The following HSF2 variants were observed in gnomAD, a reference collection of about 807,000 sequenced individuals.
HSF2 encodes the protein heat shock factor protein 2.
Under a neutral mutation model 65.0 loss-of-function variants are expected in HSF2, and 21 were observed. That is an observed-to-expected ratio of 0.32 (90% CI 0.23 to 0.47). The LOEUF (loss-of-function observed/expected upper bound fraction) is 0.47. HSF2 is among the 20% of genes least tolerant of loss of function. The pLI, the probability that HSF2 is intolerant of heterozygous loss-of-function variation, is 1.00. For synonymous variants in HSF2, 225 were observed against 219.1 expected (o/e 1.03, Z -0.24); for missense variants, 499 against 628.1 (o/e 0.79, Z 2.20).
chr6:122,403,957 C>G (rs1201084825), intron 1 of HSF2, among the ~76,000 whole-genome samples: 1 of 152,182 alleles, frequency 6.6e-6, no homozygotes, highest in African/African-American at 2.4e-5. Context: ...TGAAATGTTA[C>G]AACCAACGTA....
chr6:122,428,695 A>G (rs1774391145), intron 11 of HSF2, among the ~76,000 whole-genome samples: 1 of 152,014 alleles, frequency 6.6e-6, no homozygotes, highest in Non-Finnish European at 1.5e-5. Flanking sequence ...TGAAGCCAGA[A>G]TTTTATTTTG....
chr6:122,405,865 TACTCTAAAAA>T (rs1773857967), intron 1 of HSF2, among the ~76,000 whole-genome samples: 1 of 152,176 alleles, frequency 6.6e-6, no homozygotes, highest in African/African-American at 2.4e-5. Context: ...TGTTCTGGAG[TACTCTAAAAA>T]ACTGTTTATG....
Position 122,399,668 on chromosome 6 carries a change from T to TGCGGTAGCTGCC in HSF2, c.-68_-67insGGTAGCTGCCGC, listed in dbSNP as rs1554207206. ...GTTGTGGGCGTTCTCGGGGAGCTGCTGCCGTAGCTGCCGCCGCCGCTACCA... is the reference window on the plus strand; with the variant it reads ...GTTGTGGGCGTTCTCGGGGAGCTGCTGCGGTAGCTGCCGCCGTAGCTGCCGCCGCCGCTACCA... On this transcript the variant is annotated 5_prime_UTR_variant, in exon 1 of 13. Transcript: ENST00000368455. 6.5e-6 allele frequency: 8 copies of TGCGGTAGCTGCC among 1,238,826 alleles called. No homozygotes were observed. The highest frequency in any genetic ancestry group is 1.2e-5 in the South Asian group (1 of 81,212). 76.7% of individuals were successfully genotyped at this position (1,238,826 alleles called of 1,614,324 possible).
intron 5 of HSF2, among the ~76,000 whole-genome samples, chr6:122,416,929 CAT>C (rs1774140746): frequency 1.3e-5 from 2 of 152,092 alleles, no homozygotes; most frequent in South Asian, 4.1e-4. Flanking sequence ...AGAGATGAAA[CAT>C]AGTAATTAAG....
In HSF2 at chr6:122,431,416, T is replaced by TA. The variant is rs57738769; in HGVS notation, c.1231-14_1231-13insA. Reference sequence around the variant, plus strand: ...TATGAAACAAGTACTTATATATATATTTTTTTCTTTTAGTCTGAGAATAAA... The same window carrying TA: ...TATGAAACAAGTACTTATATATATATATTTTTTCTTTTAGTCTGAGAATAAA... On this transcript the variant is annotated splice_polypyrimidine_tract_variant and intron_variant, in intron 11 of 12. Transcript: ENST00000368455. 1.5e-4 allele frequency: 206 copies of TA among 1,350,572 alleles called. 1 individual carries two copies. The highest frequency in any genetic ancestry group is 3.0e-4 in the Admixed American group (13 of 43,708). The allele number at this position is 1,350,572 out of a possible 1,614,324, so 83.7% of individuals were successfully genotyped here. A position where few individuals can be genotyped will look rare whatever the true frequency, so the allele number is the denominator to read the frequency against.
intron 1 of HSF2, among the ~76,000 whole-genome samples, chr6:122,404,895 T>G (rs1263410109): frequency 6.6e-6 from 1 of 152,066 alleles, no homozygotes; most frequent in Non-Finnish European, 1.5e-5. Context: ...TGAGAGAGAG[T>G]GAGCACAGGT....
At chr6:122,412,907 C>A in intron 3 of HSF2, 143 bp downstream of exon 3, 1 of 785,346 alleles carries the variant, frequency 1.3e-6, no homozygotes, top group Non-Finnish European at 1.9e-6. Flanking sequence ...TTACTTGTTT[C>A]CCTGTATTTT....
At chr6:122,422,099 G>T in intron 7 of HSF2, 51 bp from the exon 8 acceptor site, 1 of 1,259,944 alleles carries the variant, frequency 7.9e-7, no homozygotes, top group Non-Finnish European at 1.1e-6. Flanking sequence ...TATCTTGTTT[G>T]GTAGTCAATG....
At chr6:122,411,123 T>G (rs1371123675) in intron 1 of HSF2, among the ~76,000 whole-genome samples, 2 of 151,768 alleles carry the variant, frequency 1.3e-5, no homozygotes, top group East Asian at 1.9e-4. Flanking sequence ...AACACTTGTT[T>G]TATGCGTTTT....
intron 4 of HSF2, among the ~76,000 whole-genome samples, chr6:122,414,138 T>TG (rs1774067111): frequency 6.6e-6 from 1 of 152,204 alleles, no homozygotes; most frequent in African/African-American, 2.4e-5. Context: ...GCTTGATACT[T>TG]ATTTCGTATA....
chr6:122,431,355 T>G (rs1197098617), intron 11 of HSF2, 75 bp from the exon 12 acceptor site: 1 of 602,764 alleles, frequency 1.7e-6, no homozygotes, highest in Non-Finnish European at 2.7e-6. Flanking sequence ...TATTTACATA[T>G]TGTATCAATT....
chr6:122,427,375 T>C (rs1368360529), intron 10 of HSF2, among the ~76,000 whole-genome samples: 1 of 152,030 alleles, frequency 6.6e-6, no homozygotes, highest in Non-Finnish European at 1.5e-5. Context: ...TCTTAGCACT[T>C]AAAATTTTCC....
intron 7 of HSF2, among the ~76,000 whole-genome samples, chr6:122,421,658 C>T (rs1774237479): frequency 1.3e-5 from 2 of 151,810 alleles, no homozygotes; most frequent in South Asian, 4.1e-4. Flanking sequence ...GCTAAAAAGC[C>T]AAGCTAACAT....
chr6:122,431,702 ATTTAAC>A (rs955186163), intron 12 of HSF2, among the ~76,000 whole-genome samples, 188 bp downstream of exon 12: 1 of 147,914 alleles, frequency 6.8e-6, no homozygotes, highest in African/African-American at 2.5e-5. Context: ...TTTTTATCCT[ATTTAAC>A]TTTAGGAAAC....
chr6:122,418,441 G>A (rs1562202811), intron 5 of HSF2, among the ~76,000 whole-genome samples: 1 of 152,070 alleles, frequency 6.6e-6, no homozygotes, highest in African/African-American at 2.4e-5. Flanking sequence ...GGTATTATGG[G>A]CCACACTTTA....
intron 10 of HSF2, among the ~76,000 whole-genome samples, chr6:122,427,287 G>A (rs1286702635): frequency 6.6e-6 from 1 of 152,028 alleles, no homozygotes; most frequent in Non-Finnish European, 1.5e-5. Flanking sequence ...AAATTTCTAT[G>A]GAATGAATGA....
intron 1 of HSF2, among the ~76,000 whole-genome samples, chr6:122,400,491 A>G (rs1189654770): frequency 6.6e-6 from 1 of 152,208 alleles, no homozygotes; most frequent in Non-Finnish European, 1.5e-5. Context: ...TTAATAAAGT[A>G]CTAATAGGTG....
intron 1 of HSF2, among the ~76,000 whole-genome samples, chr6:122,408,848 ATT>A (rs372791560): frequency 1.1e-4 from 15 of 141,024 alleles, no homozygotes; most frequent in Admixed American, 1.4e-4. Flanking sequence ...TTTTAACTTC[ATT>A]TTTTTTTTTT....
chr6:122,431,085 A>G (rs1207915540), intron 11 of HSF2, among the ~76,000 whole-genome samples: 4 of 152,200 alleles, frequency 2.6e-5, no homozygotes, highest in Admixed American at 1.3e-4. Flanking sequence ...TTAGTTAATT[A>G]TCTCTCAATT....
Sources: allele counts gnomAD v4.1 joint callset (sites outside exome capture counted in the v4.1 genomes callset), GRCh38; gene constraint gnomAD v4.1.1; transcripts MANE v1.5; gene names NCBI Gene and HGNC (gene_info 2026-07-23, HGNC 2026-07-21).